The following SEPTIN10 variants were observed in gnomAD, a reference collection of about 807,000 sequenced individuals.
SEPTIN10 encodes septin 10.
Under a neutral mutation model 54.8 loss-of-function variants are expected in SEPTIN10, and 66 were observed. That is an observed-to-expected ratio of 1.21 (90% CI 0.99 to 1.48). The LOEUF (loss-of-function observed/expected upper bound fraction) is 1.48. Ranked by LOEUF, SEPTIN10 falls within the 40% of genes most tolerant of loss-of-function variation. SEPTIN10 has a pLI of 0.00. For synonymous variants in SEPTIN10, 161 were observed against 181.0 expected (o/e 0.89, Z 0.89); for missense variants, 620 against 545.6 (o/e 1.14, Z -1.36).
Position 109,601,946 on chromosome 2 carries a change from T to C in SEPTIN10, c.31-8827A>G, listed in dbSNP as rs571146703. Reference sequence around the variant, plus strand: ...AGCAAAGTATATTCAGTCCGTCATATGGAAATGCGCTTCCCGAGGGAAAAA... The same window carrying C: ...AGCAAAGTATATTCAGTCCGTCATACGGAAATGCGCTTCCCGAGGGAAAAA... On this transcript the variant is annotated intron_variant, in intron 1 of 10. Coordinates refer to ENST00000397712, the MANE Select transcript of SEPTIN10 (RefSeq NM_144710.5). Among the ~76,000 whole-genome samples, 7 of 152,268 alleles carry C rather than the reference T, an allele frequency of 4.6e-5. No individual in the cohort carries two copies. The East Asian group carries it at 1.4e-3, about 29-fold the overall frequency.
intron 8 of SEPTIN10, among the ~76,000 whole-genome samples, chr2:109,553,795 A>C (rs1395073538): frequency 6.6e-6 from 1 of 151,942 alleles, no homozygotes; most frequent in African/African-American, 2.4e-5. Flanking sequence ...TGAAGGTTGC[A>C]GTGAGCCAAG....
intron 1 of SEPTIN10, among the ~76,000 whole-genome samples, chr2:109,595,918 T>TAA (rs1695204199): frequency 6.6e-6 from 1 of 152,220 alleles, no homozygotes; most frequent in Non-Finnish European, 1.5e-5. Flanking sequence ...ATTCCGGACC[T>TAA]AACATACTAC....
At chr2:109,571,631 T>C (rs1247490722) in intron 5 of SEPTIN10, among the ~76,000 whole-genome samples, 2 of 152,232 alleles carry the variant, frequency 1.3e-5, no homozygotes, top group Non-Finnish European at 2.9e-5. Flanking sequence ...ATTTGGTCCC[T>C]TGCTGACTAA....
In SEPTIN10 at chr2:109,585,805, C is replaced by G. The variant is rs199941021; in HGVS notation, c.133G>C (p.Gly45Arg). 8 of 1,613,394 alleles carry G rather than the reference C, an allele frequency of 5.0e-6. No individual in the cohort carries two copies. The highest frequency in any genetic ancestry group is 6.8e-6 in the Non-Finnish European group (8 of 1,179,716). Residue 45 changes from glycine (G) to arginine (R), a missense_variant, in exon 3 of 11, where the codon GGC (glycine) becomes CGC (arginine). Transcript: ENST00000397712. ...RENIRSLTMS[G>R]HVGFESLPDQ... ...GGCAAACTCTCAAAACCAACATGGC[C>G]AGACATAGTCAACGAACGAATGTTT...
chr2:109,585,750 T>C lies in SEPTIN10; in HGVS notation c.188A>G (p.Gln63Arg), dbSNP rs747707215. 14 of 1,613,468 alleles carry C rather than the reference T, an allele frequency of 8.7e-6. No homozygotes were observed. In the Admixed American group the frequency reaches 1.3e-4, roughly 15 times the overall value. ...ACAGAGAATATTAAAGCAGAAACCT[T>C]GCTGAATGGATCTGTTCACCAGCTG... ...PDQLVNRSIQ[Q>R]GFCFNILCVG... Residue 63 changes from glutamine to arginine, a missense_variant, in exon 3 of 11, where the codon CAA becomes CGA. By Grantham distance (43) the Gln-to-Arg change is conservative. Transcript: ENST00000397712.
chr2:109,587,239 T>C (rs1355143745), intron 2 of SEPTIN10, among the ~76,000 whole-genome samples: 1 of 152,006 alleles, frequency 6.6e-6, no homozygotes, highest in Non-Finnish European at 1.5e-5. Context: ...AAATGCAACA[T>C]CTGAAGTAAA....
intron 1 of SEPTIN10, chr2:109,613,011 T>A: frequency 2.0e-6 from 1 of 499,718 alleles, no homozygotes; most frequent in Non-Finnish European, 3.7e-6. Flanking sequence ...TTTACACAGA[T>A]GAAAACCACC....
At chr2:109,599,869 T>G (rs886227257) in intron 1 of SEPTIN10, among the ~76,000 whole-genome samples, 2 of 152,218 alleles carry the variant, frequency 1.3e-5, no homozygotes, top group Non-Finnish European at 2.9e-5. Flanking sequence ...ATTTCTAATT[T>G]GTGCTGTTTC....
intron 1 of SEPTIN10, among the ~76,000 whole-genome samples, chr2:109,609,254 A>G (rs1698694506): frequency 6.6e-6 from 1 of 152,198 alleles, no homozygotes; most frequent in Admixed American, 6.5e-5. Context: ...GCAAGAATAA[A>G]ATTGTCCAAG....
intron 10 of SEPTIN10, chr2:109,545,843 A>G (rs1346149422): frequency 7.0e-7 from 1 of 1,436,162 alleles, no homozygotes; most frequent in Admixed American, 2.9e-5. Context: ...AATACTGAAC[A>G]CATAACATGT....
At chr2:109,586,978 C>T (rs1692713400) in intron 2 of SEPTIN10, among the ~76,000 whole-genome samples, 1 of 151,798 alleles carries the variant, frequency 6.6e-6, no homozygotes, top group Non-Finnish European at 1.5e-5. Flanking sequence ...ATCTACTATA[C>T]AATAAAAAAA....
At chr2:109,581,578 G>A (rs1452470204) in intron 4 of SEPTIN10, among the ~76,000 whole-genome samples, 1 of 150,942 alleles carries the variant, frequency 6.6e-6, no homozygotes, top group Non-Finnish European at 1.5e-5. Context: ...GGGAAGAAAT[G>A]GGACTGAACA....
At position 109,549,819 on chromosome 2, in the gene SEPTIN10, A is replaced by G. The variant is rs571819668; in HGVS notation, c.1161+3268T>C. Among the ~76,000 whole-genome samples the G allele has an allele frequency of 2.0e-5, 3 of 152,338 alleles. No homozygotes were observed. The East Asian group carries it at 5.8e-4, about 29-fold the overall frequency. On this transcript the variant is annotated intron_variant, in intron 9 of 10. Transcript: ENST00000397712. Reference sequence around the variant, plus strand: ...TAATTAATAATAAAATAGAACAATTATAACAATGTATGTAATAAAAGTTGT... The same window carrying G: ...TAATTAATAATAAAATAGAACAATTGTAACAATGTATGTAATAAAAGTTGT...
chr2:109,585,656 A>G, intron 3 of SEPTIN10, 65 bp downstream of exon 3: 10 of 1,072,520 alleles, frequency 9.3e-6, no homozygotes, highest in Non-Finnish European at 1.4e-5. Context: ...TCTGCCCATG[A>G]CAAGAATGAA....
In SEPTIN10 at chr2:109,543,013, G is replaced by C. The variant is rs1411206426; in HGVS notation, c.*1296C>G. The stretch of plus-strand genomic sequence containing the variant: ...TAAATATATGTTTTATTTGTCAAGA[G>C]TAAATGTCAGTTTTATTTAGAATAT... On this transcript the variant is annotated 3_prime_UTR_variant, in exon 11 of 11. Coordinates refer to ENST00000397712, the MANE Select transcript of SEPTIN10 (RefSeq NM_144710.5). 6.6e-6 allele frequency: 1 copy of C among 152,552 alleles called. No homozygotes were observed. Among genetic ancestry groups the C allele is most frequent in the African/African-American group, 2.4e-5 (1 of 41,428 alleles). 9.4% of individuals were successfully genotyped at this position (152,552 alleles called of 1,614,324 possible). A position where few individuals can be genotyped will look rare whatever the true frequency, so the allele number is the denominator to read the frequency against.
chr2:109,610,043 TCA>T (rs1558919406), intron 1 of SEPTIN10, among the ~76,000 whole-genome samples: 1 of 151,394 alleles, frequency 6.6e-6, no homozygotes, highest in Non-Finnish European at 1.5e-5. Flanking sequence ...AGAGCAGATC[TCA>T]CAATCACTAG....
chr2:109,596,321 A>AT (rs1286084713), intron 1 of SEPTIN10, among the ~76,000 whole-genome samples: 3 of 152,194 alleles, frequency 2.0e-5, no homozygotes, highest in Non-Finnish European at 4.4e-5. Context: ...TTAGAAAAAA[A>AT]TTAGAGGCTT....
chr2:109,546,081 T>C lies in SEPTIN10; in HGVS notation c.1318A>G (p.Ser440Gly). The C allele has an allele frequency of 1.2e-6, 2 of 1,602,366 alleles. No homozygotes were observed. Among genetic ancestry groups the C allele is most frequent in the Non-Finnish European group, 1.7e-6 (2 of 1,175,694 alleles). Residue 440 changes from serine (S) to glycine (G), a missense_variant, in exon 10 of 11, where the codon AGC becomes GGC. Physicochemically the swap from Ser to Gly is moderately conservative, Grantham distance 56. Transcript: ENST00000397712. Reference sequence around the variant, plus strand: ...CGGTCCTTGTCCTTCCTCAGGTTGCTGCCTGTTGCCAGAAAGGACTGGCTG... The same window carrying C: ...CGGTCCTTGTCCTTCCTCAGGTTGCCGCCTGTTGCCAGAAAGGACTGGCTG... Reference protein sequence around the residue: ...FHSQSFLATGSNLRKDKDRKN... With the variant: ...FHSQSFLATGGNLRKDKDRKN...
At chr2:109,597,155 G>GCT (rs1695489013) in intron 1 of SEPTIN10, among the ~76,000 whole-genome samples, 1 of 152,010 alleles carries the variant, frequency 6.6e-6, no homozygotes, top group Admixed American at 6.6e-5. Flanking sequence ...TGCCCAGGCT[G>GCT]GTCTCGAACT....
Sources: allele counts gnomAD v4.1 joint callset (sites outside exome capture counted in the v4.1 genomes callset), GRCh38; gene constraint gnomAD v4.1.1; transcripts MANE v1.5; gene names NCBI Gene and HGNC (gene_info 2026-07-23, HGNC 2026-07-21).